Variants in TFEC observed in about 807,000 individuals in gnomAD.
TFEC encodes transcription factor EC, also known as class E basic helix-loop-helix protein 34.
Under a neutral mutation model 41.6 loss-of-function variants are expected in TFEC, and 31 were observed. That is an observed-to-expected ratio of 0.74 (90% confidence interval 0.56 to 1.01). The LOEUF is 1.01. TFEC is among the 50% of genes least tolerant of loss of function. The pLI is 0.00. For synonymous variants in TFEC, 143 were observed against 140.6 expected, an observed-to-expected ratio of 1.02 and a Z score of -0.12; for missense variants, 402 against 404.1, an observed-to-expected ratio of 0.99 and a Z score of 0.04.
In TFEC at chr7:115,989,576, T is replaced by A. The variant is rs147363246; in HGVS notation, c.-72-5063A>T. ...CTGCGCTTTTCCAGAGGAGATTATA[T>A]CCCATGCCTGGCTCAGAGGGTCCCA... On this transcript the variant is annotated intron_variant, in intron 1 of 7. Coordinates refer to ENST00000265440, the MANE Select transcript of TFEC (RefSeq NM_012252.4). Among the ~76,000 whole-genome samples the A allele has an allele frequency of 7.5e-4, 114 of 152,250 alleles. 1 individual carries two copies. In the Middle Eastern group the frequency reaches 0.014, roughly 18 times the overall value.
intron 1 of TFEC, among the ~76,000 whole-genome samples, chr7:116,008,784 C>CTAAA (rs1219564759): frequency 6.6e-6 from 1 of 152,100 alleles, no homozygotes; most frequent in Admixed American, 6.6e-5. Flanking sequence ...AACTACTGAA[C>CTAAA]TAAAGTAGAG....
chr7:116,065,414 A>G (rs1470361848), intron 3 of TFEC, among the ~76,000 whole-genome samples: 1 of 152,194 alleles, frequency 6.6e-6, no homozygotes, highest in Non-Finnish European at 1.5e-5. Flanking sequence ...TAATGTAGAC[A>G]CATTATATTA....
At chr7:116,002,333 AC>A (rs1225192980) in intron 1 of TFEC, among the ~76,000 whole-genome samples, 1 of 152,352 alleles carries the variant, frequency 6.6e-6, no homozygotes, top group East Asian at 1.9e-4. Context: ...ACACTGGAGT[AC>A]TATTTAGCCA....
chr7:116,113,066 A>G (rs1381408246), intron 1 of TFEC, among the ~76,000 whole-genome samples: 1 of 151,940 alleles, frequency 6.6e-6, no homozygotes, highest in Non-Finnish European at 1.5e-5. Flanking sequence ...GTATTGCATG[A>G]AGACAAAAGT....
At chr7:115,964,236 T>C (rs1221389663) in intron 3 of TFEC, among the ~76,000 whole-genome samples, 1 of 151,610 alleles carries the variant, frequency 6.6e-6, no homozygotes, top group African/African-American at 2.4e-5. Flanking sequence ...TTATGATTAC[T>C]GAAGAATCAA....
chr7:116,144,713 G>A (rs184493329), intron 1 of TFEC, among the ~76,000 whole-genome samples: 12 of 152,194 alleles, frequency 7.9e-5, no homozygotes, highest in South Asian at 2.1e-4. Flanking sequence ...AATATGAGTC[G>A]GCTTCATCCA....
At chr7:115,971,126 T>C (rs1218951918) in intron 3 of TFEC, among the ~76,000 whole-genome samples, 3 of 152,034 alleles carry the variant, frequency 2.0e-5, no homozygotes, top group African/African-American at 7.2e-5. Context: ...TGGTTCTCAC[T>C]CTTAGTCTGG....
At chr7:116,143,948 G>A (rs946554478) in intron 1 of TFEC, among the ~76,000 whole-genome samples, 1 of 151,544 alleles carries the variant, frequency 6.6e-6, no homozygotes, top group African/African-American at 2.4e-5. Flanking sequence ...CGCCGAGCGC[G>A]GTGGCTCACA....
intron 3 of TFEC, among the ~76,000 whole-genome samples, chr7:116,041,824 A>T (rs1268183391): frequency 2.0e-5 from 3 of 152,202 alleles, no homozygotes; most frequent in African/African-American, 7.2e-5. Context: ...GCACAGACGC[A>T]TGCACACATG....
rs1793282962 is a variant in TFEC at position 115,937,379 on chromosome 7, A to G, written c.*3172T>C. The G allele has an allele frequency of 1.3e-5, 2 of 151,654 alleles. No homozygotes were observed. The highest frequency in any genetic ancestry group is 4.1e-4 in the South Asian group (2 of 4,830). 9.4% of individuals were successfully genotyped at this position (151,654 alleles called of 1,614,324 possible). A position where few individuals can be genotyped will look rare whatever the true frequency, so the allele number is the denominator to read the frequency against. ...CTCTTTTACTATTATGAAAAATCTC[A>G]TTTCTGCAAGAAATATTCTAGAGAG... On this transcript the variant is annotated 3_prime_UTR_variant, in exon 8 of 8. Transcript: ENST00000265440.
intron 3 of TFEC, among the ~76,000 whole-genome samples, chr7:115,958,540 G>C (rs897450652): frequency 1.3e-5 from 2 of 151,844 alleles, no homozygotes; most frequent in African/African-American, 4.8e-5. Context: ...GAAGTGGCAA[G>C]TTGCAGAAAT....
chr7:116,088,473 T>C (rs1195064315), intron 3 of TFEC, among the ~76,000 whole-genome samples: 1 of 152,082 alleles, frequency 6.6e-6, no homozygotes, highest in African/African-American at 2.4e-5. Context: ...CCTCAGTTTC[T>C]TTATACATAA....
chr7:116,067,609 T>G (rs1233676933), intron 3 of TFEC, among the ~76,000 whole-genome samples: 1 of 152,032 alleles, frequency 6.6e-6, no homozygotes, highest in Non-Finnish European at 1.5e-5. Context: ...CTTTGAATAT[T>G]TGACACTTGT....
At chr7:116,004,788 GAAA>G (rs112030961) in intron 1 of TFEC, among the ~76,000 whole-genome samples, 1 of 142,648 alleles carries the variant, frequency 7.0e-6, no homozygotes, top group Non-Finnish European at 1.5e-5. Flanking sequence ...CTCCTGGTTG[GAAA>G]AAAAAAAAAC....
At position 115,936,853 on chromosome 7, in the gene TFEC, T is replaced by A. The variant is rs973490627; in HGVS notation, c.*3698A>T. On this transcript the variant is annotated 3_prime_UTR_variant, in exon 8 of 8. Transcript: ENST00000265440. ...GGAAGAGGAAGGCTATTTCTCAATGTCCCCAGCTCATCTGGCTATTTATTA... is the reference window on the plus strand; with the variant it reads ...GGAAGAGGAAGGCTATTTCTCAATGACCCCAGCTCATCTGGCTATTTATTA... 4.6e-5 allele frequency: 7 copies of A among 151,516 alleles called. No homozygotes were observed. Among genetic ancestry groups the A allele is most frequent in the Admixed American group, 3.3e-4 (5 of 15,186 alleles). 9.4% of individuals were successfully genotyped at this position (151,516 alleles called of 1,614,324 possible).
At chr7:116,039,421 C>CTGTG (rs140778741) in intron 3 of TFEC, among the ~76,000 whole-genome samples, 8,815 of 144,258 alleles carry the variant, frequency 0.061, 265 homozygotes, top group African/African-American at 0.087. Context: ...AAAGAAAATT[C>CTGTG]TGTGTGTGTG....
chr7:115,980,208 T>G (rs1330553496), intron 2 of TFEC, among the ~76,000 whole-genome samples: 1 of 152,180 alleles, frequency 6.6e-6, no homozygotes, highest in African/African-American at 2.4e-5. Flanking sequence ...CTCTTGTGAA[T>G]TCCTGCAAAA....
intron 6 of TFEC, among the ~76,000 whole-genome samples, chr7:115,946,547 CT>C (rs1347073126): frequency 1.3e-5 from 2 of 151,068 alleles, no homozygotes; most frequent in Non-Finnish European, 2.9e-5. Context: ...TCCTGAGTAG[CT>C]TGGAGTACAG....
chr7:116,142,505 C>T (rs1798562224), intron 1 of TFEC, among the ~76,000 whole-genome samples: 1 of 152,134 alleles, frequency 6.6e-6, no homozygotes, highest in African/African-American at 2.4e-5. Flanking sequence ...ACACCTGACC[C>T]TAGTTGAACC....
Sources: gnomAD v4.1 joint callset for allele counts (sites outside exome capture counted in the v4.1 genomes callset) on GRCh38, gnomAD v4.1.1 for gene constraint, MANE v1.5 for transcripts, NCBI Gene and HGNC (gene_info 2026-07-23, HGNC 2026-07-21) for gene names.